AR: variants seen among roughly 807,000 people sequenced by gnomAD.
AR encodes androgen receptor.
In AR, 8 loss-of-function variants were observed where a neutral mutation model predicts 53.9. The observed-to-expected ratio is 0.15, with a 90% CI of 0.09 to 0.27. AR has a LOEUF of 0.27. Among genes scored for constraint, AR ranks in the 10% least tolerant of loss-of-function variants. The pLI, the probability that AR is intolerant of heterozygous loss-of-function variation, is 1.00. For missense variants in AR, 639 were observed against 742.5 expected, an observed-to-expected ratio of 0.86 and a Z score of 1.62; for synonymous variants, 359 against 316.4, an observed-to-expected ratio of 1.13 and a Z score of -1.43.
intron 1 of AR, among the ~76,000 whole-genome samples, chrX:67,612,633 G>C (rs1291480679): frequency 8.9e-6 from 1 of 112,260 alleles, no homozygotes; most frequent in Admixed American, 9.5e-5. Flanking sequence ...TGGAATGGCA[G>C]ATCAAGGATC....
Position 67,728,590 on chromosome X carries a change from T to TATATATATATAC in AR, c.*4760_*4761insCATATATATATA, listed in dbSNP as rs1287985162. The TATATATATATAC allele has an allele frequency of 2.3e-5, 2 of 88,497 alleles. No homozygotes were observed. The highest frequency in any genetic ancestry group is 4.4e-5 in the Non-Finnish European group (2 of 45,226). The allele number at this position is 88,497 out of a possible 1,213,427, so 7.3% of individuals were successfully genotyped here. On this transcript the variant is annotated 3_prime_UTR_variant, in exon 8 of 8. Coordinates refer to ENST00000374690, the MANE Select transcript of AR (RefSeq NM_000044.6). ...CAAAATTGAAATATATATATATATA[T>TATATATATATAC]ATATATATATATATATATATATATA...
In AR at chrX:67,719,033, C is replaced by T. The variant is rs945358202; in HGVS notation, c.2318+1411C>T. ...GTCAGGACAGGAATTGACCTTCCCC[C>T]CTCTTCAGCCCTCTAACCCAGAAGA... On this transcript the variant is annotated intron_variant, in intron 5 of 7. Transcript: ENST00000374690. Among the ~76,000 whole-genome samples the T allele has an allele frequency of 4.2e-4, 47 of 110,926 alleles. 1 individual carries two copies. The highest frequency in any genetic ancestry group is 1.4e-3 in the African/African-American group (44 of 30,458).
chrX:67,630,070 T>G (rs1298758042), intron 1 of AR, among the ~76,000 whole-genome samples: 2 of 111,088 alleles, frequency 1.8e-5, no homozygotes, highest in Non-Finnish European at 3.8e-5. Context: ...ATGTGGTCAA[T>G]TTTGGAATAG....
At chrX:67,707,810 C>T (rs2076075495) in intron 3 of AR, among the ~76,000 whole-genome samples, 2 of 111,769 alleles carry the variant, frequency 1.8e-5, no homozygotes, top group Non-Finnish European at 3.8e-5. Context: ...TTAGTGCTTC[C>T]TTCAGGAGCT....
intron 1 of AR, among the ~76,000 whole-genome samples, chrX:67,587,855 T>A (rs1230574557): frequency 9.0e-6 from 1 of 111,067 alleles, no homozygotes; most frequent in African/African-American, 3.3e-5. Context: ...ATTTAGAAGC[T>A]ACTCAGTAAA....
intron 2 of AR, among the ~76,000 whole-genome samples, chrX:67,674,606 C>G (rs1468186481): frequency 9.0e-6 from 1 of 111,592 alleles, no homozygotes; most frequent in African/African-American, 3.3e-5. Context: ...CAAGTATTGT[C>G]TGGCTACCAC....
chrX:67,557,216 G>A (rs187969485), intron 1 of AR, among the ~76,000 whole-genome samples: 1 of 111,307 alleles, frequency 9.0e-6, no homozygotes, highest in East Asian at 2.9e-4. Flanking sequence ...GACTAAGGTG[G>A]TATTGGTGGA....
chrX:67,635,520 G>C (rs1252914494), intron 1 of AR, among the ~76,000 whole-genome samples: 2 of 110,764 alleles, frequency 1.8e-5, no homozygotes, highest in Non-Finnish European at 3.8e-5. Flanking sequence ...GTCCTCCTTT[G>C]AAAAGAAAGT....
chrX:67,670,332 T>A (rs1488987296), intron 2 of AR, among the ~76,000 whole-genome samples: 4 of 95,592 alleles, frequency 4.2e-5, no homozygotes, highest in South Asian at 5.4e-4. Flanking sequence ...TGAAATTTTT[T>A]AAAAAATAAT....
At chrX:67,693,046 A>G (rs2076002984) in intron 3 of AR, among the ~76,000 whole-genome samples, 1 of 112,838 alleles carries the variant, frequency 8.9e-6, no homozygotes, top group African/African-American at 3.2e-5. Flanking sequence ...TCCAAACCAA[A>G]TTATCTGGGA....
chrX:67,693,153 C>A (rs892491299), intron 3 of AR, among the ~76,000 whole-genome samples: 15 of 112,523 alleles, frequency 1.3e-4, no homozygotes, highest in Non-Finnish European at 1.7e-4. Flanking sequence ...ATTAATGATA[C>A]CGCATATCTG....
Position 67,662,897 on chromosome X carries a change from T to C in AR, c.1768+19490T>C, listed in dbSNP as rs760776425. Among the ~76,000 whole-genome samples, 3 of 111,786 alleles carry C rather than the reference T, an allele frequency of 2.7e-5. No homozygotes were observed. The East Asian group carries it at 8.5e-4, about 31-fold the overall frequency. On this transcript the variant is annotated intron_variant, in intron 2 of 7. Transcript: ENST00000374690. ...TATGTAATGGCCTTCTTTGTCTCTTTTGATCTTTGTTGGTTTAAAGTCTGT... is the reference window on the plus strand; with the variant it reads ...TATGTAATGGCCTTCTTTGTCTCTTCTGATCTTTGTTGGTTTAAAGTCTGT...
rs773170268 is a variant in AR at position 67,556,861 on chromosome X, G to A, written c.1616+10099G>A. Among the ~76,000 whole-genome samples, 119 of 111,446 alleles carry A rather than the reference G, an allele frequency of 1.1e-3. No homozygotes were observed. The Middle Eastern group carries it at 0.014, about 13-fold the overall frequency. On this transcript the variant is annotated intron_variant, in intron 1 of 7. Transcript: ENST00000374690. The stretch of plus-strand genomic sequence containing the variant: ...CACAGGCGCAAAGGGCCTGAGGCAG[G>A]AGCACACTTGCTGTGATGGAGGACA...
intron 1 of AR, among the ~76,000 whole-genome samples, chrX:67,549,756 T>C (rs1188843763): frequency 1.8e-5 from 2 of 112,226 alleles, no homozygotes; most frequent in African/African-American, 6.5e-5. Context: ...AACATTTTAA[T>C]TTTTCTCTTG....
At chrX:67,627,256 A>G (rs1924721843) in intron 1 of AR, among the ~76,000 whole-genome samples, 2 of 111,248 alleles carry the variant, frequency 1.8e-5, no homozygotes, top group South Asian at 7.6e-4. Flanking sequence ...AACAGTGTCA[A>G]AGTGTTCCTA....
At chrX:67,719,238 C>A (rs2076125955) in intron 5 of AR, among the ~76,000 whole-genome samples, 1 of 111,506 alleles carries the variant, frequency 9.0e-6, no homozygotes, top group Admixed American at 9.5e-5. Context: ...CGCAAAGTTG[C>A]CTATGATGCC....
chrX:67,663,074 A>T (rs1242777006), intron 2 of AR, among the ~76,000 whole-genome samples: 2 of 111,271 alleles, frequency 1.8e-5, no homozygotes, highest in East Asian at 5.6e-4. Context: ...TTGTCTCTTT[A>T]TCCAATTTGC....
chrX:67,570,475 T>G (rs1165735490), intron 1 of AR, among the ~76,000 whole-genome samples: 1 of 112,235 alleles, frequency 8.9e-6, no homozygotes, highest in Non-Finnish European at 1.9e-5. Context: ...TTATGCACAG[T>G]GTGTCTTTAT....
At chrX:67,666,159 T>G (rs1441774388) in intron 2 of AR, among the ~76,000 whole-genome samples, 1 of 111,310 alleles carries the variant, frequency 9.0e-6, no homozygotes, top group Non-Finnish European at 1.9e-5. Flanking sequence ...CTAGATCTTA[T>G]TCATTCTAAC....
Sources: allele counts gnomAD v4.1 joint callset (sites outside exome capture counted in the v4.1 genomes callset), GRCh38; gene constraint gnomAD v4.1.1; transcripts MANE v1.5; gene names NCBI Gene and HGNC (gene_info 2026-07-23, HGNC 2026-07-21).